FCGR2A: variants seen among roughly 807,000 people sequenced by gnomAD.
FCGR2A encodes Fc gamma receptor IIa.
FCGR2A carries 18 observed loss-of-function variants against 29.3 expected under a neutral mutation model. The observed-to-expected ratio is 0.62, with a 90% confidence interval of 0.43 to 0.91. The LOEUF (loss-of-function observed/expected upper bound fraction) is 0.91. FCGR2A is among the 40% of genes least tolerant of loss of function. FCGR2A has a pLI of 0.00. For synonymous variants in FCGR2A, 126 were observed against 144.8 expected (o/e 0.87, Z 0.93); for missense variants, 287 against 393.0 (o/e 0.73, Z 2.28).
At chr1:161,522,686 T>G (rs1212951437), downstream of FCGR2A, 1 of 152,198 alleles carries the variant, frequency 6.6e-6, no homozygotes, top group Non-Finnish European at 1.5e-5. Flanking sequence ...TTTGGAATTA[T>G]GAAATAGGTT....
At chr1:161,506,054 T>C (rs1217179117) in intron 2 of FCGR2A, 47 bp downstream of exon 2, 3 of 1,587,996 alleles carry the variant, frequency 1.9e-6, no homozygotes, top group Non-Finnish European at 2.6e-6. Context: ...TGTATCCTCA[T>C]AATATGATGC....
rs930285323 is a variant in FCGR2A at position 161,510,127 on chromosome 1, G to T, written c.619+53G>T. On this transcript the variant is annotated intron_variant, in intron 4 of 6. Coordinates refer to ENST00000271450, the MANE Select transcript of FCGR2A (RefSeq NM_001136219.3). ...AGGGGAGAAGAGGGGATGGACAAGGGCTGAGGTCACATGGGCCTACATGGA... is the reference window on the plus strand; with the variant it reads ...AGGGGAGAAGAGGGGATGGACAAGGTCTGAGGTCACATGGGCCTACATGGA... The T allele has an allele frequency of 3.7e-6, 6 of 1,605,394 alleles. No homozygotes were observed. In the African/African-American group the frequency reaches 5.4e-5, roughly 14 times the overall value.
downstream of FCGR2A, among the ~76,000 whole-genome samples, chr1:161,522,392 A>G (rs1436752612): frequency 7.2e-5 from 11 of 152,220 alleles, no homozygotes; most frequent in African/African-American, 2.6e-4. Flanking sequence ...ATGCTGTGGT[A>G]ACATTCATAG....
At position 161,518,215 on chromosome 1, in the gene FCGR2A, G is replaced by T. The variant is rs1180460949; in HGVS notation, c.*67G>T. 2 of 1,567,716 alleles carry T rather than the reference G, an allele frequency of 1.3e-6. No homozygotes were observed. The highest frequency in any genetic ancestry group is 2.8e-5 in the African/African-American group (2 of 72,502). ...AGTGGATGACAAAAAGAGGGGAATT[G>T]TTAAAGGAAAATTTAAATGGAGACT... On this transcript the variant is annotated 3_prime_UTR_variant, in exon 7 of 7. Transcript: ENST00000271450.
At position 161,506,500 on chromosome 1, in the gene FCGR2A, G is replaced by A. The variant is rs751922399; in HGVS notation, c.273G>A (p.Arg91=). The change falls in exon 3 of 7, where the codon AGG becomes AGA. Residue 91 remains arginine, a synonymous_variant. Coordinates refer to ENST00000271450, the MANE Select transcript of FCGR2A (RefSeq NM_001136219.3). ...CCACCCACACGCAGCCCAGCTACAG[G>A]TTCAAGGCCAACAACAATGACAGCG... ...LIPTHTQPSY[R]FKANNNDSGE... 4.3e-6 allele frequency: 7 copies of A among 1,614,184 alleles called. No homozygotes were observed. Among genetic ancestry groups the A allele is most frequent in the Non-Finnish European group, 5.9e-6 (7 of 1,180,030 alleles).
Position 161,506,500 on chromosome 1 carries a change from G to T in FCGR2A, c.273G>T (p.Arg91Ser). Residue 91 changes from arginine (R) to serine (S), a missense_variant, in exon 3 of 7, where the codon AGG becomes AGT. Around this residue, in one of 3 missense-constraint regions of FCGR2A, gnomAD observed 181 missense variants for 250.9 expected, o/e 0.72. Coordinates refer to ENST00000271450, the MANE Select transcript of FCGR2A (RefSeq NM_001136219.3). ...CCACCCACACGCAGCCCAGCTACAG[G>T]TTCAAGGCCAACAACAATGACAGCG... The part of the protein sequence containing the change: ...LIPTHTQPSY[R>S]FKANNNDSGE... 2 of 1,614,184 alleles carry T rather than the reference G, an allele frequency of 1.2e-6. No individual in the cohort carries two copies. The highest frequency in any genetic ancestry group is 1.7e-6 in the Non-Finnish European group (2 of 1,180,030).
downstream of FCGR2A, chr1:161,523,870 G>C (rs41297662): frequency 5.9e-5 from 9 of 151,910 alleles, no homozygotes; most frequent in Admixed American, 1.3e-4. Context: ...AATCGAACCC[G>C]GGCCTCCCGC....
intron 3 of FCGR2A, among the ~76,000 whole-genome samples, chr1:161,508,674 T>C (rs1239599462): frequency 2.0e-5 from 3 of 152,138 alleles, no homozygotes; most frequent in African/African-American, 4.8e-5. Context: ...ATTCCTATGA[T>C]ACAGCAATTT....
chr1:161,509,731 T>C (rs1004736770), intron 3 of FCGR2A, 89 bp from the exon 4 acceptor site: 2 of 1,525,056 alleles, frequency 1.3e-6, no homozygotes, highest in African/African-American at 2.7e-5. Flanking sequence ...AGACATCATG[T>C]CAAGTTCTGT....
downstream of FCGR2A, among the ~76,000 whole-genome samples, chr1:161,520,308 G>T (rs389825): frequency 3.3e-5 from 5 of 152,180 alleles, no homozygotes; most frequent in East Asian, 1.9e-4. Flanking sequence ...GGAGAAGCAG[G>T]CACCTTCTGC....
chr1:161,518,180 C>T lies in FCGR2A; in HGVS notation c.*32C>T. On this transcript the variant is annotated 3_prime_UTR_variant, in exon 7 of 7. Coordinates refer to ENST00000271450, the MANE Select transcript of FCGR2A (RefSeq NM_001136219.3). ...ACGTTATGCCATGTGGTCATACTCT[C>T]AGCTTGCTGAGTGGATGACAAAAAG... The T allele has an allele frequency of 6.2e-7, 1 of 1,600,364 alleles. No homozygotes were observed. The highest frequency in any genetic ancestry group is 1.1e-5 in the South Asian group (1 of 88,560).
intron 4 of FCGR2A, 53 bp from the exon 5 acceptor site, chr1:161,510,781 G>C (rs545084587): frequency 4.4e-6 from 7 of 1,607,238 alleles, no homozygotes; most frequent in African/African-American, 4.0e-5. Flanking sequence ...GAATACAAAC[G>C]TTGTCATTAA....
At chr1:161,519,973 C>T (rs1676387796), downstream of FCGR2A, 1 of 151,870 alleles carries the variant, frequency 6.6e-6, no homozygotes, top group African/African-American at 2.4e-5. Flanking sequence ...ACATGACCCA[C>T]AGTCTCCTTG....
At chr1:161,512,860 A>C (rs1338365681) in intron 5 of FCGR2A, among the ~76,000 whole-genome samples, 1 of 152,244 alleles carries the variant, frequency 6.6e-6, no homozygotes, top group Non-Finnish European at 1.5e-5. Flanking sequence ...GGGCCAAAGC[A>C]GATCTGGAAA....
At chr1:161,523,058 C>G (rs1310514820), downstream of FCGR2A, 1 of 152,156 alleles carries the variant, frequency 6.6e-6, no homozygotes, top group Non-Finnish European at 1.5e-5. Context: ...AAATAGAAGC[C>G]AACTTTTAAG....
At chr1:161,517,155 T>C (rs1676191865) in intron 6 of FCGR2A, among the ~76,000 whole-genome samples, 1 of 150,684 alleles carries the variant, frequency 6.6e-6, no homozygotes, top group Admixed American at 6.6e-5. Context: ...CTTTGTTTTT[T>C]TAATAGAAGA....
downstream of FCGR2A, among the ~76,000 whole-genome samples, chr1:161,520,170 C>G (rs2499434): frequency 6.6e-4 from 100 of 152,128 alleles, no homozygotes; most frequent in Admixed American, 2.6e-3. Context: ...ATGTATTAGT[C>G]TGTTCTCACG....
chr1:161,523,641 G>A (rs1676540923), downstream of FCGR2A: 1 of 152,188 alleles, frequency 6.6e-6, no homozygotes, highest in Non-Finnish European at 1.5e-5. Context: ...CAGGTGTTGC[G>A]TTCTCTCTTG....
At position 161,510,204 on chromosome 1, in the gene FCGR2A, G is replaced by T. The variant is rs1320827704; in HGVS notation, c.619+130G>T. 41 of 1,501,436 alleles carry T rather than the reference G, an allele frequency of 2.7e-5. 1 individual carries two copies. The South Asian group carries it at 5.2e-4, about 19-fold the overall frequency. The allele number at this position is 1,501,436 out of a possible 1,614,324, so 93.0% of individuals were successfully genotyped here. A position where few individuals can be genotyped will look rare whatever the true frequency, so the allele number is the denominator to read the frequency against. On this transcript the variant is annotated intron_variant, in intron 4 of 6. Coordinates refer to ENST00000271450, the MANE Select transcript of FCGR2A (RefSeq NM_001136219.3). Reference sequence around the variant, plus strand: ...ATTGGGCACTGGAGCAAAGAGGAGTGGGGTGGAAGCCTGGCTAAGTATTGA... The same window carrying T: ...ATTGGGCACTGGAGCAAAGAGGAGTTGGGTGGAAGCCTGGCTAAGTATTGA...
Sources: gnomAD v4.1 joint callset for allele counts (sites outside exome capture counted in the v4.1 genomes callset) on GRCh38, gnomAD v4.1.1 for gene constraint, gnomAD v4.1.1 regional missense constraint, MANE v1.5 for transcripts, NCBI Gene and HGNC (gene_info 2026-07-23, HGNC 2026-07-21) for gene names.